The following PTPRN2 variants were observed in gnomAD, a reference collection of about 807,000 sequenced individuals.
PTPRN2 encodes the protein protein tyrosine phosphatase receptor type N2.
PTPRN2 carries 74 observed loss-of-function variants against 118.8 expected under a neutral mutation model. The observed-to-expected ratio is 0.62, with a 90% CI of 0.52 to 0.76. The LOEUF (loss-of-function observed/expected upper bound fraction) is 0.76, where lower values mean the gene tolerates loss of function less well. Ranked by LOEUF, PTPRN2 falls within the 30% of genes least tolerant of loss-of-function variation. The pLI, the probability that PTPRN2 is intolerant of heterozygous loss-of-function variation, is 0.00. For missense variants in PTPRN2, 1,481 were observed against 1,394.4 expected (o/e 1.06, Z -0.99); for synonymous variants, 641 against 608.0 (o/e 1.05, Z -0.80).
intron 6 of PTPRN2, 68 bp from the exon 7 acceptor site, chr7:158,138,583 C>A (rs1819069314): frequency 1.4e-6 from 2 of 1,471,464 alleles, no homozygotes; most frequent in South Asian, 1.2e-5. Flanking sequence ...GCCTCCAGAC[C>A]ATAGGGGTGT....
At chr7:157,541,576 T>C (rs1345170561) in intron 22 of PTPRN2, among the ~76,000 whole-genome samples, 1 of 152,234 alleles carries the variant, frequency 6.6e-6, no homozygotes. Flanking sequence ...CTCTTGCTCT[T>C]CAGTTTCCAC....
At chr7:157,774,615 C>T (rs769956377) in intron 12 of PTPRN2, among the ~76,000 whole-genome samples, 3 of 152,146 alleles carry the variant, frequency 2.0e-5, no homozygotes, top group Admixed American at 6.6e-5. Flanking sequence ...GTGACAGTGT[C>T]GGCAAAAGTG....
intron 2 of PTPRN2, among the ~76,000 whole-genome samples, chr7:158,429,731 C>A (rs960172262): frequency 6.6e-6 from 1 of 152,172 alleles, no homozygotes; most frequent in Non-Finnish European, 1.5e-5. Flanking sequence ...TAATTCATGG[C>A]TTTTTTATTA....
At chr7:158,481,681 C>T (rs1288222098) in intron 2 of PTPRN2, among the ~76,000 whole-genome samples, 1 of 152,164 alleles carries the variant, frequency 6.6e-6, no homozygotes, top group Non-Finnish European at 1.5e-5. Flanking sequence ...CCAGGCTGGT[C>T]TTGAACTCCT....
intron 12 of PTPRN2, among the ~76,000 whole-genome samples, chr7:157,777,808 TTTA>T (rs1356816067): frequency 1.3e-5 from 2 of 152,256 alleles, no homozygotes; most frequent in East Asian, 1.9e-4. Context: ...TGAAAATTTC[TTTA>T]TTGTTATTTA....
intron 11 of PTPRN2, among the ~76,000 whole-genome samples, chr7:157,949,527 G>C (rs1191028763): frequency 2.0e-5 from 3 of 152,238 alleles, no homozygotes; most frequent in Non-Finnish European, 2.9e-5. Flanking sequence ...ACTAAGCATG[G>C]AGTTGAACAT....
intron 11 of PTPRN2, among the ~76,000 whole-genome samples, chr7:158,071,730 G>C (rs867253328): frequency 3.2e-4 from 34 of 107,332 alleles, no homozygotes; most frequent in East Asian, 8.2e-4. Flanking sequence ...GGAGGTGCTC[G>C]TGGTGGTGGA....
At chr7:158,561,925 C>T (rs778783081) in intron 1 of PTPRN2, among the ~76,000 whole-genome samples, 6 of 152,112 alleles carry the variant, frequency 3.9e-5, no homozygotes, top group Non-Finnish European at 8.8e-5. Flanking sequence ...AAGCGTGGTC[C>T]CCAAGAAGAG....
intron 21 of PTPRN2, among the ~76,000 whole-genome samples, chr7:157,565,677 A>T (rs1354298569): frequency 6.6e-6 from 1 of 152,220 alleles, no homozygotes; most frequent in Non-Finnish European, 1.5e-5. Context: ...CATCCCTTTA[A>T]AAAATTGTGG....
At chr7:158,271,011 AC>A (rs1449419341) in intron 3 of PTPRN2, among the ~76,000 whole-genome samples, 1 of 32,824 alleles carries the variant, frequency 3.0e-5, no homozygotes, top group Non-Finnish European at 5.5e-5. Flanking sequence ...CACCTGGACC[AC>A]CCCTCCACCT....
intron 14 of PTPRN2, among the ~76,000 whole-genome samples, chr7:157,628,287 C>T (rs186958068): frequency 1.3e-5 from 2 of 152,348 alleles, no homozygotes; most frequent in African/African-American, 2.4e-5. Flanking sequence ...GCACCGTCTT[C>T]CGGTCAAATG....
At chr7:158,268,892 A>C (rs1586056403) in intron 3 of PTPRN2, among the ~76,000 whole-genome samples, 1 of 131,250 alleles carries the variant, frequency 7.6e-6, no homozygotes, top group African/African-American at 2.8e-5. Flanking sequence ...AGCCGCACGC[A>C]CACAGAGTGG....
intron 1 of PTPRN2, among the ~76,000 whole-genome samples, chr7:158,518,763 T>C (rs1039273400): frequency 2.0e-5 from 3 of 152,108 alleles, no homozygotes; most frequent in Admixed American, 6.6e-5. Flanking sequence ...AACAGGTGAA[T>C]TGCTTGAGCT....
intron 13 of PTPRN2, among the ~76,000 whole-genome samples, chr7:157,677,609 GA>G (rs1796729315): frequency 6.6e-6 from 1 of 152,324 alleles, no homozygotes; most frequent in East Asian, 1.9e-4. Flanking sequence ...GACTCATGGT[GA>G]AAAGGTATCT....
chr7:157,661,458 TC>T (rs1795885278), intron 13 of PTPRN2, among the ~76,000 whole-genome samples: 1 of 151,590 alleles, frequency 6.6e-6, no homozygotes, highest in South Asian at 2.1e-4. Flanking sequence ...CCTGCGGGCT[TC>T]CGCCTGGGAA....
intron 1 of PTPRN2, among the ~76,000 whole-genome samples, chr7:158,542,687 C>T (rs1826058533): frequency 6.6e-6 from 1 of 152,186 alleles, no homozygotes; most frequent in South Asian, 2.1e-4. Context: ...TTTTTCCTCT[C>T]CTTCTAATAT....
chr7:158,224,102 A>C (rs1297892624), intron 3 of PTPRN2, among the ~76,000 whole-genome samples: 1 of 152,238 alleles, frequency 6.6e-6, no homozygotes, highest in Non-Finnish European at 1.5e-5. Flanking sequence ...GTGATGAAAG[A>C]AACCAAAGAT....
intron 11 of PTPRN2, among the ~76,000 whole-genome samples, chr7:158,018,223 C>T (rs551964017): frequency 6.6e-6 from 1 of 152,308 alleles, no homozygotes; most frequent in East Asian, 1.9e-4. Flanking sequence ...TGGTGGGTAA[C>T]TGGAACAGTC....
At chr7:157,878,487 A>G (rs1351212481) in intron 12 of PTPRN2, among the ~76,000 whole-genome samples, 1 of 147,268 alleles carries the variant, frequency 6.8e-6, no homozygotes, top group Non-Finnish European at 1.5e-5. Context: ...TCAGTGTGAT[A>G]CCGTGCACCC....
Sources: allele counts gnomAD v4.1 joint callset (sites outside exome capture counted in the v4.1 genomes callset), GRCh38; gene constraint gnomAD v4.1.1; transcripts MANE v1.5; gene names NCBI Gene and HGNC (gene_info 2026-07-23, HGNC 2026-07-21).